Variants in ATAD2B observed in about 807,000 individuals in gnomAD.
ATAD2B encodes the protein ATPase family AAA domain containing 2B.
In ATAD2B, 40 loss-of-function variants were observed where a neutral mutation model predicts 167.6. That is an observed-to-expected ratio of 0.24 (90% CI 0.19 to 0.31). The LOEUF (loss-of-function observed/expected upper bound fraction) is 0.31. ATAD2B is among the 10% of genes least tolerant of loss of function. ATAD2B has a pLI of 1.00. For missense variants in ATAD2B, 1,242 were observed against 1,757.2 expected, an observed-to-expected ratio of 0.71 and a Z score of 5.24; for synonymous variants, 579 against 596.5, an observed-to-expected ratio of 0.97 and a Z score of 0.43.
chr2:23,834,152 CTTTTTTTTTTTTTT>C (rs11378615), intron 13 of ATAD2B, 74 bp from the exon 14 acceptor site: 41 of 119,618 alleles, frequency 3.4e-4, no homozygotes, highest in Non-Finnish European at 4.2e-4. Flanking sequence ...ATCAGTCTTT[CTTTTTTTTTTTTTT>C]TTTTTTTTTT....
chr2:23,704,503 A>C, the ATAD2B span, among the ~76,000 whole-genome samples: 14 of 152,260 alleles, frequency 9.2e-5, no homozygotes, highest in Admixed American at 7.2e-4. Flanking sequence ...GCAGTGGCTC[A>C]CACCTGTAAT....
At chr2:23,745,904 C>A (rs781198533), downstream of ATAD2B, among the ~76,000 whole-genome samples, 1 of 152,258 alleles carries the variant, frequency 6.6e-6, no homozygotes, top group Non-Finnish European at 1.5e-5. Context: ...TGCTCTGGCA[C>A]TTGCTTTATT....
chr2:23,754,641 G>A lies in ATAD2B; in HGVS notation c.4206+6C>T. On this transcript the variant is annotated splice_donor_region_variant and intron_variant, in intron 26 of 27. Transcript: ENST00000238789. ...TTAAAACTTGACTGGGAATAGCTAA[G>A]CTTACCTTCAATCTCTCACGATCAA... 6.2e-7 allele frequency: 1 copy of A among 1,609,760 alleles called. No individual in the cohort carries two copies. The highest frequency in any genetic ancestry group is 8.5e-7 in the Non-Finnish European group (1 of 1,178,312).
intron 18 of ATAD2B, among the ~76,000 whole-genome samples, chr2:23,807,730 C>A (rs904814091): frequency 6.7e-6 from 1 of 150,004 alleles, no homozygotes; most frequent in Admixed American, 6.7e-5. Context: ...GCAGGAGAAT[C>A]GCTTGAACCC....
chr2:23,777,899 G>A (rs1039900647), intron 22 of ATAD2B, among the ~76,000 whole-genome samples: 24 of 152,096 alleles, frequency 1.6e-4, no homozygotes, highest in African/African-American at 5.1e-4. Flanking sequence ...GACAATCTGG[G>A]TCAACACTTA....
the ATAD2B span, chr2:23,703,165 T>C: frequency 7.1e-7 from 1 of 1,401,434 alleles, no homozygotes. Context: ...GACCCTGGGC[T>C]CTTTTTCTCC....
the ATAD2B span, among the ~76,000 whole-genome samples, chr2:23,698,223 A>C: frequency 1.3e-5 from 2 of 152,116 alleles, no homozygotes. Flanking sequence ...CAAGAGATGA[A>C]GGACAAAAGG....
intron 19 of ATAD2B, 72 bp downstream of exon 19, chr2:23,798,066 G>T: frequency 1.0e-6 from 1 of 978,482 alleles, no homozygotes; most frequent in Non-Finnish European, 1.4e-6. Context: ...TAATTAAAAG[G>T]TGTCCAATTT....
chr2:23,778,450 C>T (rs1430340843), intron 22 of ATAD2B, among the ~76,000 whole-genome samples: 1 of 152,152 alleles, frequency 6.6e-6, no homozygotes, highest in Non-Finnish European at 1.5e-5. Flanking sequence ...AATAGAATTA[C>T]ATTTAAAGTA....
intron 16 of ATAD2B, 118 bp from the exon 17 acceptor site, chr2:23,820,000 A>T (rs1687208301): frequency 1.6e-6 from 1 of 633,430 alleles, no homozygotes; most frequent in Non-Finnish European, 2.6e-6. Context: ...TTATCTATCA[A>T]ATAATACAGG....
intron 1 of ATAD2B, among the ~76,000 whole-genome samples, chr2:23,923,818 G>A (rs192540110): frequency 5.3e-5 from 8 of 152,262 alleles, no homozygotes; most frequent in African/African-American, 1.9e-4. Flanking sequence ...AAATGTCTCT[G>A]GACACAGTGA....
chr2:23,788,515 C>T lies in ATAD2B; in HGVS notation c.2773G>A (p.Ala925Thr). Reference protein sequence around the residue: ...ASMAPPRRKHAALCAMEVLPL... With the variant: ...ASMAPPRRKHTALCAMEVLPL... ...CTAAAGGCTTTACAAACTTTACCAG[C>T]ATGTTTCCTTCGTGGTGGAGCCATT... is the stretch of plus-strand genomic sequence containing the variant. Residue 925 changes from alanine to threonine, a missense_variant, in exon 20 of 28, where the codon GCT (alanine) becomes ACT (threonine). This residue lies in a region of ATAD2B where 204 missense variants were observed against 324.0 expected (regional missense o/e 0.63). Transcript: ENST00000238789. 6.2e-7 allele frequency: 1 copy of T among 1,612,472 alleles called. No homozygotes were observed. The highest frequency in any genetic ancestry group is 8.5e-7 in the Non-Finnish European group (1 of 1,178,976).
the ATAD2B span, among the ~76,000 whole-genome samples, chr2:23,734,178 G>A: frequency 6.6e-6 from 1 of 152,002 alleles, no homozygotes; most frequent in East Asian, 1.9e-4. Context: ...TTATTTTTGA[G>A]ACAGAGTCTC....
intron 16 of ATAD2B, among the ~76,000 whole-genome samples, chr2:23,821,465 C>T (rs375438321): frequency 7.2e-5 from 11 of 152,286 alleles, no homozygotes; most frequent in African/African-American, 2.6e-4. Context: ...AATATTCATT[C>T]CCCTCTGTCT....
At chr2:23,790,290 G>A (rs1681470544) in intron 19 of ATAD2B, among the ~76,000 whole-genome samples, 1 of 152,150 alleles carries the variant, frequency 6.6e-6, no homozygotes, top group Non-Finnish European at 1.5e-5. Context: ...AACAGAGGTA[G>A]CAAAACAGAG....
chr2:23,886,738 T>C (rs1296038948), intron 4 of ATAD2B, among the ~76,000 whole-genome samples: 1 of 148,816 alleles, frequency 6.7e-6, no homozygotes, highest in Non-Finnish European at 1.5e-5. Flanking sequence ...GAGACCATCC[T>C]GGCTAACACG....
intron 26 of ATAD2B, 72 bp from the exon 27 acceptor site, chr2:23,754,379 G>T (rs1206693469): frequency 7.1e-7 from 1 of 1,414,682 alleles, no homozygotes; most frequent in Non-Finnish European, 9.6e-7. Context: ...TATTCAAATG[G>T]CTAGTCAATA....
intron 15 of ATAD2B, among the ~76,000 whole-genome samples, chr2:23,824,468 C>CT (rs1687941313): frequency 6.6e-6 from 1 of 152,164 alleles, no homozygotes; most frequent in South Asian, 2.1e-4. Context: ...ACTACCAACT[C>CT]TGAGTACAAC....
chr2:23,872,457 T>C, intron 8 of ATAD2B: 1 of 732,502 alleles, frequency 1.4e-6, no homozygotes, highest in Non-Finnish European at 2.5e-6. Flanking sequence ...TGCCATGCAC[T>C]GCAATCAGCA....
Sources: gnomAD v4.1 joint callset for allele counts (sites outside exome capture counted in the v4.1 genomes callset) on GRCh38, gnomAD v4.1.1 for gene constraint, gnomAD v4.1.1 regional missense constraint, MANE v1.5 for transcripts, NCBI Gene and HGNC (gene_info 2026-07-23, HGNC 2026-07-21) for gene names.